The following CCDC34 variants were observed in gnomAD, a reference collection of about 807,000 sequenced individuals.
The protein encoded by CCDC34 is coiled-coil domain containing 34.
A neutral mutation model predicts 44.1 loss-of-function variants in CCDC34; 40 were observed. The observed-to-expected ratio is 0.91, with a 90% confidence interval of 0.70 to 1.18. CCDC34 has a LOEUF of 1.18. Ranked by LOEUF, CCDC34 falls within the 50% of genes most tolerant of loss-of-function variation. CCDC34 has a pLI of 0.00. For missense variants in CCDC34, 466 were observed against 452.3 expected (o/e 1.03, Z -0.28); for synonymous variants, 159 against 158.2 (o/e 1.01, Z -0.04).
chr11:27,341,352 CAA>C, intron 4 of CCDC34, 38 bp downstream of exon 4: 2 of 1,270,702 alleles, frequency 1.6e-6, no homozygotes, highest in Non-Finnish European at 2.2e-6. Context: ...ATATGAACAC[CAA>C]AGTTATGTAT....
In CCDC34 at chr11:27,363,136, G is replaced by T; in HGVS notation, c.59C>A (p.Ala20Asp). The T allele has an allele frequency of 6.5e-7, 1 of 1,538,358 alleles. No individual in the cohort carries two copies. The highest frequency in any genetic ancestry group is 8.7e-7 in the Non-Finnish European group (1 of 1,144,398). Residue 20 changes from alanine (A) to aspartate (D), a missense_variant, in exon 1 of 6, where the codon GCT becomes GAT. Transcript: ENST00000328697. ...TFPSSYAGFS[A>D]DCRPRSRPSS... ...GGGCCGAGACCTGGGTCTGCAGTCA[G>T]CAGAGAAACCGGCGTAGGAAGAGGG...
intron 1 of CCDC34, among the ~76,000 whole-genome samples, chr11:27,359,197 T>C (rs1324705005): frequency 1.3e-5 from 2 of 152,122 alleles, no homozygotes; most frequent in African/African-American, 4.8e-5. Context: ...ATGGCATCTT[T>C]ACCCACAGGA....
chr11:27,341,819 T>C (rs1474049091), intron 3 of CCDC34, among the ~76,000 whole-genome samples: 1 of 152,182 alleles, frequency 6.6e-6, no homozygotes, highest in Non-Finnish European at 1.5e-5. Flanking sequence ...GGGGCAGTAC[T>C]GAGTGAAAAG....
At chr11:27,347,533 A>G (rs1401847665) in intron 3 of CCDC34, among the ~76,000 whole-genome samples, 2 of 152,216 alleles carry the variant, frequency 1.3e-5, no homozygotes, top group African/African-American at 4.8e-5. Flanking sequence ...ATATTCTATG[A>G]AATGTATTTC....
Position 27,363,174 on chromosome 11 carries a change from C to A in CCDC34, c.21G>T (p.Trp7Cys). MWAAGR[W>C]GPTFPSSYAG... ...CGTAGGAAGAGGGAAAAGTAGGCCC[C>A]CAGCGCCCCGCCGCCCACATCTGGC... The change falls in exon 1 of 6, where the codon TGG (tryptophan) becomes TGT (cysteine). Residue 7 changes from tryptophan to cysteine, a missense_variant. Coordinates refer to ENST00000328697, the MANE Select transcript of CCDC34 (RefSeq NM_030771.2). The A allele has an allele frequency of 6.7e-7, 1 of 1,490,098 alleles. No individual in the cohort carries two copies. The highest frequency in any genetic ancestry group is 8.9e-7 in the Non-Finnish European group (1 of 1,126,314). 92.3% of individuals were successfully genotyped at this position (1,490,098 alleles called of 1,614,324 possible).
chr11:27,360,085 AATATTT>A (rs1285716710), intron 1 of CCDC34, among the ~76,000 whole-genome samples: 1 of 152,194 alleles, frequency 6.6e-6, no homozygotes, highest in Admixed American at 6.5e-5. Flanking sequence ...TTCCTTCCTT[AATATTT>A]ATAACAAATG....
intron 5 of CCDC34, among the ~76,000 whole-genome samples, chr11:27,339,993 TGA>T (rs796645262): frequency 5.3e-5 from 8 of 152,068 alleles, no homozygotes; most frequent in African/African-American, 1.9e-4. Flanking sequence ...TCGTGACATA[TGA>T]GAGAGGCCTA....
intron 5 of CCDC34, 133 bp downstream of exon 5, chr11:27,340,563 T>C: frequency 2.2e-6 from 2 of 889,250 alleles, no homozygotes; most frequent in Non-Finnish European, 3.3e-6. Context: ...ATGACATGTT[T>C]ATAATATAAT....
chr11:27,345,698 G>C (rs1862423096), intron 3 of CCDC34, among the ~76,000 whole-genome samples: 1 of 152,058 alleles, frequency 6.6e-6, no homozygotes, highest in Non-Finnish European at 1.5e-5. Flanking sequence ...TTGGACATTT[G>C]GGTTGGTTCC....
Position 27,362,945 on chromosome 11 carries a change from C to CGTCACCGTCGTCCTCGTCAAACTG in CCDC34, c.226_249dup (p.Gln76_Asp83dup). The CGTCACCGTCGTCCTCGTCAAACTG allele has an allele frequency of 6.2e-7, 1 of 1,614,182 alleles. No individual in the cohort carries two copies. Among genetic ancestry groups the CGTCACCGTCGTCCTCGTCAAACTG allele is most frequent in the Non-Finnish European group, 8.5e-7 (1 of 1,180,024 alleles). On this transcript the variant is annotated inframe_insertion, in exon 1 of 6. Coordinates refer to ENST00000328697, the MANE Select transcript of CCDC34 (RefSeq NM_030771.2). Reference sequence around the variant, plus strand: ...TCATCCACGTCTTCCTCATCCTCCCCGTCACCGTCGTCCTCGTCAAACTGG... The same window carrying CGTCACCGTCGTCCTCGTCAAACTG: ...TCATCCACGTCTTCCTCATCCTCCCCGTCACCGTCGTCCTCGTCAAACTGGTCACCGTCGTCCTCGTCAAACTGG...
At chr11:27,350,291 A>C (rs774682128) in intron 3 of CCDC34, 41 bp downstream of exon 3, 2 of 1,613,374 alleles carry the variant, frequency 1.2e-6, no homozygotes, top group Non-Finnish European at 8.5e-7. Context: ...AATATTTTGC[A>C]AAAGAGATGT....
At position 27,350,396 on chromosome 11, in the gene CCDC34, C is replaced by G; in HGVS notation, c.542G>C (p.Arg181Pro). Residue 181 changes from arginine to proline, a missense_variant, in exon 3 of 6, where the codon CGT (arginine) becomes CCT (proline). By Grantham distance (103) the Arg-to-Pro change is moderately radical. Transcript: ENST00000328697. ...TTCAGCAATTATCTTTCTTTTTTCA[C>G]GTTCTTCCATTTCTTTTCTTTTTTC... The part of the protein sequence containing the change: ...QLEKRKEMEE[R>P]EKRKIIAEEK... 1.2e-6 allele frequency: 2 copies of G among 1,612,030 alleles called. No homozygotes were observed. Among genetic ancestry groups the G allele is most frequent in the Non-Finnish European group, 8.5e-7 (1 of 1,178,922 alleles).
chr11:27,358,292 A>G (rs1439573170), intron 1 of CCDC34, among the ~76,000 whole-genome samples: 2 of 152,194 alleles, frequency 1.3e-5, no homozygotes, highest in East Asian at 3.8e-4. Context: ...ATACATAAAT[A>G]AAGAACACAG....
chr11:27,339,669 C>T lies in CCDC34; in HGVS notation c.908-634G>A, dbSNP rs546447024. Among the ~76,000 whole-genome samples the T allele has an allele frequency of 2.6e-4, 39 of 152,228 alleles. 2 individuals carry two copies. The South Asian group carries it at 7.3e-3, about 28-fold the overall frequency. On this transcript the variant is annotated intron_variant, in intron 5 of 5. Coordinates refer to ENST00000328697, the MANE Select transcript of CCDC34 (RefSeq NM_030771.2). ...ATATCATCTCCAAATCCTTCAGTCA[C>T]TACTGACACAAAAATTCCTTTATTT...
intron 2 of CCDC34, among the ~76,000 whole-genome samples, chr11:27,356,193 T>C (rs930495628): frequency 2.0e-5 from 3 of 151,578 alleles, no homozygotes; most frequent in Non-Finnish European, 4.4e-5. Flanking sequence ...TAATTTTGTA[T>C]TTTTAGTACA....
intron 3 of CCDC34, among the ~76,000 whole-genome samples, chr11:27,344,346 T>TATGTTATAAACACATGCATGCTGC (rs750700062): frequency 9.2e-5 from 14 of 152,112 alleles, no homozygotes; most frequent in East Asian, 3.9e-4. Flanking sequence ...AACATATGTA[T>TATGTTATAAACACATGCATGCTGC]ATGTTATAAA....
intron 2 of CCDC34, among the ~76,000 whole-genome samples, chr11:27,354,166 G>A (rs1475654157): frequency 6.6e-6 from 1 of 152,166 alleles, no homozygotes; most frequent in Non-Finnish European, 1.5e-5. Context: ...TGGCATAACT[G>A]ATATGTAAGA....
rs1266560749 is a variant in CCDC34 at position 27,339,226 on chromosome 11, TTTAG to T, written c.908-195_908-192del. On this transcript the variant is annotated intron_variant, in intron 5 of 5. Transcript: ENST00000328697. The stretch of plus-strand genomic sequence containing the variant: ...TAACACTTTCCAAATACAGTAAATA[TTTAG>T]TTAAAATTAAAGCATAAATGATAAT... 1.3e-4 allele frequency among the ~76,000 whole-genome samples: 20 copies of T among 152,292 alleles called. No homozygotes were observed. In the South Asian group the frequency reaches 3.7e-3, roughly 28 times the overall value.
intron 3 of CCDC34, among the ~76,000 whole-genome samples, chr11:27,344,478 T>C (rs927838201): frequency 1.3e-5 from 2 of 151,444 alleles, no homozygotes; most frequent in Non-Finnish European, 2.9e-5. Context: ...TACGCATTGT[T>C]ACATGTTATA....
Sources: allele counts gnomAD v4.1 joint callset (sites outside exome capture counted in the v4.1 genomes callset), GRCh38; gene constraint gnomAD v4.1.1; transcripts MANE v1.5; gene names NCBI Gene and HGNC (gene_info 2026-07-23, HGNC 2026-07-21).